ZFYVE28: variants seen among roughly 807,000 people sequenced by gnomAD.
ZFYVE28 encodes the protein zinc finger FYVE-type containing 28.
Under a neutral mutation model 82.1 loss-of-function variants are expected in ZFYVE28, and 40 were observed. The observed-to-expected ratio is 0.49, with a 90% CI of 0.38 to 0.63. The LOEUF is 0.63. Among genes scored for constraint, ZFYVE28 ranks in the 30% least tolerant of loss-of-function variants. The pLI is 0.00. For missense variants in ZFYVE28, 1,321 were observed against 1,242.1 expected (o/e 1.06, Z -0.96); for synonymous variants, 612 against 546.1 (o/e 1.12, Z -1.68).
intron 1 of ZFYVE28, among the ~76,000 whole-genome samples, chr4:2,401,244 A>G (rs903817565): frequency 9.2e-5 from 14 of 152,222 alleles, no homozygotes; most frequent in Admixed American, 6.5e-5. Context: ...TGCAGTGGTC[A>G]CAGCTCACAC....
intron 8 of ZFYVE28, among the ~76,000 whole-genome samples, chr4:2,294,941 C>A (rs1714306656): frequency 6.8e-6 from 1 of 147,518 alleles, no homozygotes; most frequent in African/African-American, 2.5e-5. Flanking sequence ...CATAGCGAGA[C>A]CCTGTCTCTA....
intron 1 of ZFYVE28, among the ~76,000 whole-genome samples, chr4:2,370,260 A>C (rs1727391760): frequency 6.6e-6 from 1 of 152,050 alleles, no homozygotes; most frequent in Non-Finnish European, 1.5e-5. Context: ...CACAGCGGAG[A>C]GAAGGGGATT....
chr4:2,409,061 G>A lies in ZFYVE28; in HGVS notation c.39+9224C>T, dbSNP rs568621906. On this transcript the variant is annotated intron_variant, in intron 1 of 12. Transcript: ENST00000290974. This position sits in a 1 kb window ranked among gnomAD's most constrained non-coding sequence, Gnocchi z 4.4. The stretch of plus-strand genomic sequence containing the variant: ...GCAGTGGGGAGGTCTGCCTTTACGC[G>A]GTCTGTGACACAGCCCTGAACGCCC... Among the ~76,000 whole-genome samples the A allele has an allele frequency of 4.1e-4, 63 of 152,152 alleles. No homozygotes were observed. The highest frequency in any genetic ancestry group is 1.3e-3 in the African/African-American group (55 of 41,470).
intron 1 of ZFYVE28, among the ~76,000 whole-genome samples, chr4:2,398,939 GATCGAGGGCACAAGGGGGGT>G (rs1730806143): frequency 1.6e-5 from 2 of 123,466 alleles, no homozygotes; most frequent in South Asian, 3.2e-4. Context: ...GCGGGGGCAA[GATCGAGGGCACAAGGGGGGT>G]GTGAGATCCA....
intron 7 of ZFYVE28, among the ~76,000 whole-genome samples, chr4:2,317,719 G>A (rs1173046403): frequency 3.3e-5 from 5 of 152,032 alleles, no homozygotes; most frequent in East Asian, 3.9e-4. Context: ...TGCAAATTCC[G>A]CCTCCCAGAT....
chr4:2,361,369 T>A (rs990956464), intron 1 of ZFYVE28, among the ~76,000 whole-genome samples: 1 of 152,248 alleles, frequency 6.6e-6, no homozygotes, highest in Non-Finnish European at 1.5e-5. Flanking sequence ...TAATGTGAGC[T>A]GTGGCTGCAG....
At chr4:2,353,814 C>T (rs1179836802) in intron 2 of ZFYVE28, 119 bp downstream of exon 2, 5 of 1,226,498 alleles carry the variant, frequency 4.1e-6, no homozygotes, top group South Asian at 2.7e-5. Context: ...CTCTAGCACC[C>T]GACCCTGACA....
chr4:2,304,821 G>A lies in ZFYVE28; in HGVS notation c.1519C>T (p.Arg507Trp), dbSNP rs749573323. 49 of 1,612,522 alleles carry A rather than the reference G, an allele frequency of 3.0e-5. No individual in the cohort carries two copies. Among genetic ancestry groups the A allele is most frequent in the Middle Eastern group, 1.6e-4 (1 of 6,084 alleles). The change falls in exon 8 of 13, where the codon CGG (arginine) becomes TGG (tryptophan). Residue 507 changes from arginine to tryptophan, a missense_variant. This residue lies in a region of ZFYVE28 where 978 missense variants were observed against 833.7 expected (regional missense o/e 1.17). Transcript: ENST00000290974. ...DAETAEMIAH[R>W]TGGMKLSATV... is the part of the protein sequence containing the mutation. ...GCTGAGAGCTTCATGCCCCCTGTCC[G>A]GTGGGCGATCATCTCAGCCGTCTCT...
intron 7 of ZFYVE28, among the ~76,000 whole-genome samples, chr4:2,308,200 G>A (rs375844140): frequency 1.3e-5 from 2 of 152,036 alleles, no homozygotes; most frequent in Non-Finnish European, 2.9e-5. Context: ...GCTCACCGTA[G>A]CCTCGACCTC....
chr4:2,332,723 G>A lies in ZFYVE28; in HGVS notation c.701+2982C>T, dbSNP rs1044132318. On this transcript the variant is annotated intron_variant, in intron 6 of 12. Coordinates refer to ENST00000290974, the MANE Select transcript of ZFYVE28 (RefSeq NM_020972.3). The surrounding 1 kb of genome is among the most constrained non-coding windows in gnomAD (Gnocchi z 4.7). ...GACGAGGAACAAGACGGGATCCGCT[G>A]GTGGTGCAGGGCTGCAGGGCCCCAG... 1.3e-5 allele frequency among the ~76,000 whole-genome samples: 2 copies of A among 152,144 alleles called. No individual in the cohort carries two copies. The highest frequency in any genetic ancestry group is 2.9e-5 in the Non-Finnish European group (2 of 68,010).
In ZFYVE28 at chr4:2,335,585, A is replaced by G; in HGVS notation, c.701+120T>C. On this transcript the variant is annotated intron_variant, in intron 6 of 12. Transcript: ENST00000290974. This position sits in a 1 kb window ranked among gnomAD's most constrained non-coding sequence, Gnocchi z 5.8. ...AGGCCTGCCTGTCACTGATCGGGAC[A>G]GCTGAGCGGCCACCGTGAGGTGGAG... The G allele has an allele frequency of 3.3e-6, 3 of 905,520 alleles. No individual in the cohort carries two copies. Among genetic ancestry groups the G allele is most frequent in the Non-Finnish European group, 3.4e-6 (2 of 585,822 alleles). The allele number at this position is 905,520 out of a possible 1,614,324, so 56.1% of individuals were successfully genotyped here.
rs535782186 is a variant in ZFYVE28 at position 2,290,673 on chromosome 4, G to A, written c.2051+13616C>T. Among the ~76,000 whole-genome samples the A allele has an allele frequency of 1.9e-3, 283 of 152,306 alleles. 1 individual carries two copies. Among genetic ancestry groups the A allele is most frequent in the Non-Finnish European group, 2.9e-3 (197 of 68,024 alleles). On this transcript the variant is annotated intron_variant, in intron 8 of 12. Transcript: ENST00000290974. ...TTCAAGAAGTCAGCTCCTCTGGGAC[G>A]GCCTCACCCCTCTCCTGCTGTGGGG...
intron 1 of ZFYVE28, among the ~76,000 whole-genome samples, chr4:2,383,429 C>T (rs1728928515): frequency 6.6e-6 from 1 of 152,148 alleles, no homozygotes; most frequent in African/African-American, 2.4e-5. Context: ...TTCTGAGGTG[C>T]CCCCTGCCCC....
rs556484440 is a variant in ZFYVE28 at position 2,416,683 on chromosome 4, G to T, written c.39+1602C>A. The stretch of plus-strand genomic sequence containing the variant: ...CAGGAGGAGAGGCTGGGCGCAGACG[G>T]CTCGGCCCCAAACCACACCCAGCGC... On this transcript the variant is annotated intron_variant, in intron 1 of 12. Coordinates refer to ENST00000290974, the MANE Select transcript of ZFYVE28 (RefSeq NM_020972.3). This position sits in a 1 kb window ranked among gnomAD's most constrained non-coding sequence, Gnocchi z 4.6. Among the ~76,000 whole-genome samples the T allele has an allele frequency of 3.3e-5, 5 of 152,324 alleles. No homozygotes were observed. Among genetic ancestry groups the T allele is most frequent in the Non-Finnish European group, 7.3e-5 (5 of 68,028 alleles).
At position 2,271,397 on chromosome 4, in the gene ZFYVE28, G is replaced by A; in HGVS notation, c.2446C>T (p.Pro816Ser). Residue 816 changes from proline (P) to serine (S), a missense_variant, in exon 12 of 13, where the codon CCA (proline) becomes TCA (serine). Physicochemically the swap from Pro to Ser is moderately conservative, Grantham distance 74 (BLOSUM62 -1). This residue lies in a region of ZFYVE28 where 978 missense variants were observed against 833.7 expected (regional missense o/e 1.17). Coordinates refer to ENST00000290974, the MANE Select transcript of ZFYVE28 (RefSeq NM_020972.3). ...GTGCAGAAGCCACAGGCCTCGTCTG[G>A]CACCCACTCCGGGGGGTCTGTCACA... is the stretch of plus-strand genomic sequence containing the variant. ...GDFEDPPEWV[P>S]DEACGFCTAC... 1.2e-6 allele frequency: 2 copies of A among 1,612,840 alleles called. No individual in the cohort carries two copies. The highest frequency in any genetic ancestry group is 1.7e-6 in the Non-Finnish European group (2 of 1,179,894).
chr4:2,407,759 T>A (rs1012110360), intron 1 of ZFYVE28, among the ~76,000 whole-genome samples: 1 of 152,120 alleles, frequency 6.6e-6, no homozygotes, highest in Non-Finnish European at 1.5e-5. Context: ...CAGCTAATTT[T>A]GTATTTTTAG....
At chr4:2,276,028 G>A (rs1736402576) in intron 8 of ZFYVE28, among the ~76,000 whole-genome samples, 1 of 152,258 alleles carries the variant, frequency 6.6e-6, no homozygotes, top group Non-Finnish European at 1.5e-5. Flanking sequence ...CACAGACCGT[G>A]GGAAACATGC....
intron 1 of ZFYVE28, among the ~76,000 whole-genome samples, chr4:2,366,438 A>C (rs983421345): frequency 1.3e-5 from 2 of 152,246 alleles, no homozygotes; most frequent in African/African-American, 2.4e-5. Context: ...CACCCCAACA[A>C]ATCAGTTCCC....
intron 4 of ZFYVE28, among the ~76,000 whole-genome samples, chr4:2,337,719 A>C (rs979461074): frequency 6.6e-6 from 1 of 151,982 alleles, no homozygotes; most frequent in Non-Finnish European, 1.5e-5. Context: ...AAAAAATAAA[A>C]AAGTCGGGTG....
Sources: gnomAD v4.1 joint callset for allele counts (sites outside exome capture counted in the v4.1 genomes callset) on GRCh38, gnomAD v4.1.1 for gene constraint, gnomAD v4.1.1 regional missense constraint, Gnocchi (gnomAD v3.1) non-coding constraint, MANE v1.5 for transcripts, NCBI Gene and HGNC (gene_info 2026-07-23, HGNC 2026-07-21) for gene names.